PTPRT: variants seen among roughly 807,000 people sequenced by gnomAD.
The protein encoded by PTPRT is protein tyrosine phosphatase receptor type T.
Under a neutral mutation model 176.8 loss-of-function variants are expected in PTPRT, and 56 were observed. The ratio of observed to expected loss-of-function variants is 0.32; its 90% CI spans 0.26 to 0.40. PTPRT has a LOEUF of 0.40. Among genes scored for constraint, PTPRT ranks in the 10% least tolerant of loss-of-function variants. The pLI is 1.00. For synonymous variants in PTPRT, 783 were observed against 739.0 expected, an observed-to-expected ratio of 1.06 and a Z score of -0.96; for missense variants, 1,540 against 1,908.2, an observed-to-expected ratio of 0.81 and a Z score of 3.60.
At chr20:42,438,932 C>A (rs10485694) in intron 9 of PTPRT, among the ~76,000 whole-genome samples, 18,029 of 152,202 alleles carry the variant, frequency 0.12, 1,472 homozygotes, top group African/African-American at 0.23. Flanking sequence ...AGTGGATGAC[C>A]AGCAGCTCTA....
intron 9 of PTPRT, among the ~76,000 whole-genome samples, chr20:42,395,676 A>T (rs1156500340): frequency 6.6e-6 from 1 of 152,154 alleles, no homozygotes; most frequent in Non-Finnish European, 1.5e-5. Flanking sequence ...ATGTTAACTC[A>T]CCAATGACCT....
Position 42,077,743 on chromosome 20 carries a change from G to T in PTPRT, c.*3136C>A, listed in dbSNP as rs1357288482. On this transcript the variant is annotated 3_prime_UTR_variant, in exon 31 of 31. Coordinates refer to ENST00000373187, the MANE Select transcript of PTPRT (RefSeq NM_007050.6). Reference sequence around the variant, plus strand: ...CTGCTTTAGAGAATGGTTGGGTTGTGGGAAAATAAGGGGATGAGCTGGGGG... The same window carrying T: ...CTGCTTTAGAGAATGGTTGGGTTGTTGGAAAATAAGGGGATGAGCTGGGGG... 5 of 195,558 alleles carry T rather than the reference G, an allele frequency of 2.6e-5. No individual in the cohort carries two copies. The highest frequency in any genetic ancestry group is 4.2e-5 in the Non-Finnish European group (4 of 95,996). 12.1% of individuals were successfully genotyped at this position (195,558 alleles called of 1,614,324 possible).
chr20:42,263,176 C>T (rs1024040455), intron 13 of PTPRT, among the ~76,000 whole-genome samples: 3 of 152,050 alleles, frequency 2.0e-5, no homozygotes, highest in Non-Finnish European at 4.4e-5. Context: ...ACAAGGGGAG[C>T]CCTGGGAGCA....
intron 13 of PTPRT, among the ~76,000 whole-genome samples, chr20:42,281,617 G>A (rs1452748191): frequency 2.0e-5 from 3 of 151,932 alleles, no homozygotes; most frequent in African/African-American, 4.8e-5. Flanking sequence ...TTGGGTCATC[G>A]CTTTTCTCTG....
intron 7 of PTPRT, among the ~76,000 whole-genome samples, chr20:42,592,872 C>G (rs1444452862): frequency 6.6e-6 from 1 of 152,176 alleles, no homozygotes; most frequent in Non-Finnish European, 1.5e-5. Flanking sequence ...GGAGAGGCAG[C>G]TTTCAAGAGT....
chr20:42,433,554 C>G (rs1226946364), intron 9 of PTPRT, among the ~76,000 whole-genome samples: 13 of 152,158 alleles, frequency 8.5e-5, no homozygotes, highest in Admixed American at 7.2e-4. Flanking sequence ...TGATGTCCAT[C>G]ATGGGAATGG....
At chr20:42,507,920 G>C (rs2071876887) in intron 7 of PTPRT, among the ~76,000 whole-genome samples, 1 of 151,804 alleles carries the variant, frequency 6.6e-6, no homozygotes, top group Non-Finnish European at 1.5e-5. Context: ...GTTCACAAAG[G>C]GGTCACATAG....
intron 14 of PTPRT, among the ~76,000 whole-genome samples, chr20:42,238,910 G>A (rs959150200): frequency 6.6e-6 from 1 of 151,832 alleles, no homozygotes; most frequent in African/African-American, 2.4e-5. Flanking sequence ...TCAAGCTTGG[G>A]GACAATAATT....
chr20:42,535,589 C>T (rs557692983), intron 7 of PTPRT, among the ~76,000 whole-genome samples: 53 of 152,268 alleles, frequency 3.5e-4, no homozygotes, highest in African/African-American at 1.2e-3. Flanking sequence ...AACATTTTTG[C>T]AATGGCTAAA....
At chr20:42,977,110 G>T (rs1328213397) in intron 1 of PTPRT, among the ~76,000 whole-genome samples, 3 of 152,136 alleles carry the variant, frequency 2.0e-5, no homozygotes, top group Admixed American at 2.0e-4. Flanking sequence ...ACTCATAGGA[G>T]AATTCAAAAA....
chr20:42,185,402 G>C (rs1459605688), intron 16 of PTPRT, among the ~76,000 whole-genome samples: 1 of 152,162 alleles, frequency 6.6e-6, no homozygotes, highest in Non-Finnish European at 1.5e-5. Flanking sequence ...TCCTATGATT[G>C]AAGGACTAAT....
chr20:42,181,468 T>C (rs952986896), intron 16 of PTPRT, among the ~76,000 whole-genome samples: 1 of 152,156 alleles, frequency 6.6e-6, no homozygotes, highest in Non-Finnish European at 1.5e-5. Flanking sequence ...AGGTGCAAAG[T>C]GCACCATATA....
intron 7 of PTPRT, among the ~76,000 whole-genome samples, chr20:42,569,081 AAT>A (rs71335569): frequency 0.16 from 4,831 of 30,722 alleles, 452 homozygotes; most frequent in African/African-American, 0.19. Context: ...AAAAAAAAAA[AAT>A]ATATATATAT....
rs544301902 is a variant in PTPRT at position 42,995,245 on chromosome 20, C to T, written c.89-109313G>A. On this transcript the variant is annotated intron_variant, in intron 1 of 30. Transcript: ENST00000373187. ...CAGAAGTTCAGGAGCAGCTTATCTGCGTGCTTCTAGTGTAGGGTCCCTCAT... is the reference window on the plus strand; with the variant it reads ...CAGAAGTTCAGGAGCAGCTTATCTGTGTGCTTCTAGTGTAGGGTCCCTCAT... Among the ~76,000 whole-genome samples the T allele has an allele frequency of 1.5e-3, 224 of 152,276 alleles. 4 individuals carry two copies. Among genetic ancestry groups the T allele is most frequent in the Non-Finnish European group, 1.5e-3 (104 of 68,020 alleles).
Position 42,603,833 on chromosome 20 carries a change from G to A in PTPRT, c.1153+74033C>T, listed in dbSNP as rs563219535. Among the ~76,000 whole-genome samples the A allele has an allele frequency of 2.2e-4, 33 of 152,198 alleles. No homozygotes were observed. The South Asian group carries it at 5.4e-3, about 25-fold the overall frequency. On this transcript the variant is annotated intron_variant, in intron 7 of 30. Transcript: ENST00000373187. ...AAGACATCCAGGAGAGGATATTGGC[G>A]CAAACAGTGAGTCATCACTCTCCAC...
Position 43,166,593 on chromosome 20 carries a change from T to C in PTPRT, c.88+23053A>G, listed in dbSNP as rs529288115. Among the ~76,000 whole-genome samples, 293 of 152,348 alleles carry C rather than the reference T, an allele frequency of 1.9e-3. 2 individuals are homozygous for C. Among genetic ancestry groups the C allele is most frequent in the Middle Eastern group, 0.01 (3 of 294 alleles). On this transcript the variant is annotated intron_variant, in intron 1 of 30. Coordinates refer to ENST00000373187, the MANE Select transcript of PTPRT (RefSeq NM_007050.6). ...GAAGTTAAATAGTCAATACTGTCTG[T>C]ACATCTGACAGACTCTATCCTTGCC... is the stretch of plus-strand genomic sequence containing the variant.
intron 1 of PTPRT, among the ~76,000 whole-genome samples, chr20:42,937,434 CCAGA>C (rs1361361597): frequency 1.3e-5 from 2 of 152,206 alleles, no homozygotes; most frequent in Non-Finnish European, 2.9e-5. Context: ...TTATGCTGAG[CCAGA>C]CAGTCTCTCC....
At chr20:42,526,644 C>T (rs2072272069) in intron 7 of PTPRT, among the ~76,000 whole-genome samples, 1 of 151,980 alleles carries the variant, frequency 6.6e-6, no homozygotes, top group South Asian at 2.1e-4. Context: ...TGTCTTTTTC[C>T]TATGCTTTTC....
At chr20:42,213,299 G>T (rs1002260861) in intron 15 of PTPRT, among the ~76,000 whole-genome samples, 1 of 75,562 alleles carries the variant, frequency 1.3e-5, no homozygotes, top group African/African-American at 3.3e-5. Context: ...CTTGAAAATG[G>T]AACACTAGAA....
Sources: allele counts gnomAD v4.1 joint callset (sites outside exome capture counted in the v4.1 genomes callset), GRCh38; gene constraint gnomAD v4.1.1; transcripts MANE v1.5; gene names NCBI Gene and HGNC (gene_info 2026-07-23, HGNC 2026-07-21).